Variants in TIAM1 observed in about 807,000 individuals in gnomAD.
TIAM1 encodes TIAM Rac1 associated GEF 1.
TIAM1 carries 65 observed loss-of-function variants against 163.5 expected under a neutral mutation model. The ratio of observed to expected loss-of-function variants is 0.40; its 90% CI spans 0.33 to 0.49. The LOEUF (loss-of-function observed/expected upper bound fraction) is 0.49. TIAM1 is among the 20% of genes least tolerant of loss of function. The pLI is 0.77. For synonymous variants in TIAM1, 833 were observed against 810.1 expected (o/e 1.03, Z -0.48); for missense variants, 1,789 against 2,044.7 (o/e 0.87, Z 2.41).
Position 31,252,198 on chromosome 21 carries a change from C to A in TIAM1, c.964-9G>T, listed in dbSNP as rs761502642. On this transcript the variant is annotated splice_polypyrimidine_tract_variant and intron_variant, in intron 4 of 27. Coordinates refer to ENST00000541036, the MANE Select transcript of TIAM1 (RefSeq NM_001353694.2). ...TCGCCTGCATTAACATCCTTGGGAG[C>A]AGAAAGAGAGAGCAAAGAAGACAAG... 52 of 1,598,004 alleles carry A rather than the reference C, an allele frequency of 3.3e-5. No homozygotes were observed. The Admixed American group carries it at 8.7e-4, about 27-fold the overall frequency.
chr21:31,257,934 C>T (rs531174621), intron 4 of TIAM1, among the ~76,000 whole-genome samples: 21 of 150,164 alleles, frequency 1.4e-4, no homozygotes, highest in Admixed American at 1.2e-3. Context: ...AGCTCCTCCT[C>T]CTTGCTCGAA....
At chr21:31,265,628 T>A (rs1221578201) in intron 4 of TIAM1, among the ~76,000 whole-genome samples, 1 of 151,876 alleles carries the variant, frequency 6.6e-6, no homozygotes, top group Non-Finnish European at 1.5e-5. Flanking sequence ...AGAAATAAGT[T>A]CCAAGAGTCT....
At chr21:31,535,953 C>A (rs1350234960) in intron 1 of TIAM1, among the ~76,000 whole-genome samples, 1 of 152,132 alleles carries the variant, frequency 6.6e-6, no homozygotes, top group South Asian at 2.1e-4. Flanking sequence ...TAGAGGCACG[C>A]CAACAGATGA....
intron 2 of TIAM1, among the ~76,000 whole-genome samples, chr21:31,428,966 C>T (rs13052016): frequency 6.6e-6 from 1 of 151,984 alleles, no homozygotes; most frequent in Non-Finnish European, 1.5e-5. Flanking sequence ...TCATATCCTA[C>T]TCTGGTGGCA....
At chr21:31,476,413 G>A (rs2045937457) in intron 1 of TIAM1, among the ~76,000 whole-genome samples, 1 of 152,210 alleles carries the variant, frequency 6.6e-6, no homozygotes, top group Non-Finnish European at 1.5e-5. Flanking sequence ...GGCCATTTCA[G>A]GAAGAACATC....
At chr21:31,148,606 T>C (rs2083241082) in intron 19 of TIAM1, among the ~76,000 whole-genome samples, 1 of 152,210 alleles carries the variant, frequency 6.6e-6, no homozygotes. Flanking sequence ...CCCCTCCCTT[T>C]AGCCATCCTA....
In TIAM1 at chr21:31,295,266, C is replaced by T. The variant is rs367802987; in HGVS notation, c.-188-18358G>A. ...CGGGCGGATCATGAAGTCAGGAAAT[C>T]GAGACCATCCCGGCTAACACGGTGA... On this transcript the variant is annotated intron_variant, in intron 2 of 27. Transcript: ENST00000541036. Among the ~76,000 whole-genome samples the T allele has an allele frequency of 8.5e-3, 1,288 of 152,116 alleles. 17 individuals carry two copies. Among genetic ancestry groups the T allele is most frequent in the African/African-American group, 0.029 (1,212 of 41,492 alleles).
intron 25 of TIAM1, among the ~76,000 whole-genome samples, chr21:31,128,957 C>T (rs1316367724): frequency 1.0e-5 from 1 of 95,902 alleles, no homozygotes; most frequent in African/African-American, 5.9e-5. Flanking sequence ...CTGCTTATGA[C>T]AAGTGGAAAC....
intron 1 of TIAM1, among the ~76,000 whole-genome samples, chr21:31,503,399 G>T (rs1318848337): frequency 9.7e-6 from 1 of 102,728 alleles, no homozygotes; most frequent in Non-Finnish European, 1.8e-5. Context: ...GGAAAGAAAA[G>T]AAAAAGAAGA....
At chr21:31,467,097 C>A (rs1257778183) in intron 1 of TIAM1, among the ~76,000 whole-genome samples, 1 of 152,154 alleles carries the variant, frequency 6.6e-6, no homozygotes, top group African/African-American at 2.4e-5. Flanking sequence ...TTCCATAATC[C>A]CCAAATCCAA....
At chr21:31,539,880 AATG>A (rs1235292466) in intron 1 of TIAM1, among the ~76,000 whole-genome samples, 17 of 152,260 alleles carry the variant, frequency 1.1e-4, no homozygotes, top group Admixed American at 5.9e-4. Flanking sequence ...AGGACTTCTT[AATG>A]ATAACATGTA....
chr21:31,542,119 T>C (rs1473049967), intron 1 of TIAM1, among the ~76,000 whole-genome samples: 1 of 152,158 alleles, frequency 6.6e-6, no homozygotes, highest in Non-Finnish European at 1.5e-5. Context: ...TTCATTCTTC[T>C]GAATGCTTAG....
intron 2 of TIAM1, among the ~76,000 whole-genome samples, chr21:31,425,626 C>T (rs1261561572): frequency 7.8e-6 from 1 of 128,466 alleles, no homozygotes; most frequent in Non-Finnish European, 1.6e-5. Flanking sequence ...TCCCTCCCTC[C>T]CTCCCTCCCT....
At chr21:31,472,667 A>G (rs13052373) in intron 1 of TIAM1, among the ~76,000 whole-genome samples, 18,949 of 152,250 alleles carry the variant, frequency 0.12, 1,281 homozygotes, top group East Asian at 0.15. Flanking sequence ...TGGCACCACC[A>G]GCCCATGAGC....
chr21:31,392,235 C>T (rs1431573579), intron 2 of TIAM1, among the ~76,000 whole-genome samples: 1 of 152,154 alleles, frequency 6.6e-6, no homozygotes, highest in African/African-American at 2.4e-5. Context: ...CATGAAAACA[C>T]GGTATTTTAA....
chr21:31,514,683 A>G (rs1382481586), intron 1 of TIAM1, among the ~76,000 whole-genome samples: 1 of 152,076 alleles, frequency 6.6e-6, no homozygotes, highest in Non-Finnish European at 1.5e-5. Flanking sequence ...ACAAAGTGAG[A>G]CGCTTATCTC....
At chr21:31,307,076 C>T (rs931397563) in intron 2 of TIAM1, among the ~76,000 whole-genome samples, 20 of 152,102 alleles carry the variant, frequency 1.3e-4, no homozygotes, top group African/African-American at 3.9e-4. Context: ...TCAAACCCGA[C>T]GGCTGATTTA....
intron 3 of TIAM1, among the ~76,000 whole-genome samples, chr21:31,271,527 G>A (rs2073055375): frequency 6.6e-6 from 1 of 152,120 alleles, no homozygotes; most frequent in Non-Finnish European, 1.5e-5. Context: ...AGGGGTGAGG[G>A]TGTTCAGCTT....
chr21:31,239,673 T>C (rs1211779661), intron 6 of TIAM1, among the ~76,000 whole-genome samples: 1 of 151,880 alleles, frequency 6.6e-6, no homozygotes, highest in East Asian at 1.9e-4. Flanking sequence ...CACAAAGAGC[T>C]GCCATAAATC....
Sources: gnomAD v4.1 joint callset for allele counts (sites outside exome capture counted in the v4.1 genomes callset) on GRCh38, gnomAD v4.1.1 for gene constraint, MANE v1.5 for transcripts, NCBI Gene and HGNC (gene_info 2026-07-23, HGNC 2026-07-21) for gene names.